The following USP25 variants were observed in gnomAD, a reference collection of about 807,000 sequenced individuals.
The protein encoded by USP25 is ubiquitin specific peptidase 25.
In USP25, 85 loss-of-function variants were observed where a neutral mutation model predicts 158.5. That is an observed-to-expected ratio of 0.54 (90% CI 0.45 to 0.64). USP25 has a LOEUF of 0.64. Ranked by LOEUF, USP25 falls within the 30% of genes least tolerant of loss-of-function variation. The pLI, the probability that USP25 is intolerant of heterozygous loss-of-function variation, is 0.00. For missense variants in USP25, 1,242 were observed against 1,327.3 expected (o/e 0.94, Z 1.00); for synonymous variants, 464 against 460.4 (o/e 1.01, Z -0.10).
chr21:15,760,011 G>A (rs1328960770), intron 1 of USP25, among the ~76,000 whole-genome samples: 1 of 152,192 alleles, frequency 6.6e-6, no homozygotes, highest in African/African-American at 2.4e-5. Context: ...TCTCAGCTCT[G>A]TAAAACCATT....
intron 1 of USP25, among the ~76,000 whole-genome samples, chr21:15,754,296 G>A (rs570606480): frequency 3.9e-5 from 6 of 152,206 alleles, no homozygotes; most frequent in African/African-American, 1.4e-4. Flanking sequence ...TTGTGATATG[G>A]CTTGTTCCAG....
intron 21 of USP25, 36 bp downstream of exon 21, chr21:15,864,482 G>C (rs748997936): frequency 4.6e-6 from 7 of 1,514,498 alleles, no homozygotes; most frequent in Non-Finnish European, 6.2e-6. Flanking sequence ...TGCTCAAATC[G>C]TTCTTTTTTT....
intron 17 of USP25, 90 bp from the exon 18 acceptor site, chr21:15,842,308 A>C: frequency 7.2e-7 from 1 of 1,387,788 alleles, no homozygotes; most frequent in South Asian, 1.7e-5. Context: ...GTTCTTACAT[A>C]ACTTCAGACA....
rs1267340403 is a variant in USP25 at position 15,811,124 on chromosome 21, T to A, written c.858-13T>A. 1 of 1,598,590 alleles carries A rather than the reference T, an allele frequency of 6.3e-7. No individual in the cohort carries two copies. The highest frequency in any genetic ancestry group is 1.4e-5 in the African/African-American group (1 of 73,808). On this transcript the variant is annotated splice_polypyrimidine_tract_variant and intron_variant, in intron 8 of 25. Coordinates refer to ENST00000400183, the MANE Select transcript of USP25 (RefSeq NM_001283041.3). Reference sequence around the variant, plus strand: ...AAATTGTAATCACATTTATATTTTTTAACATACTTTAGGGATGAAGAGAAG... The same window carrying A: ...AAATTGTAATCACATTTATATTTTTAAACATACTTTAGGGATGAAGAGAAG...
intron 24 of USP25, chr21:15,876,094 C>A (rs920826581): frequency 5.9e-5 from 9 of 152,110 alleles, no homozygotes; most frequent in Admixed American, 4.6e-4. Flanking sequence ...GCCAAACTTA[C>A]TAGTTTTTCG....
rs550005467 is a variant in USP25, at chr21:15,781,719, T to G, written c.392+3692T>G. ...TTGAATCAAAGCCAGGGGGTTCCTC[T>G]TCTTATAGGAAGAAGGTAAGCGGAG... On this transcript the variant is annotated intron_variant, in intron 4 of 25. Transcript: ENST00000400183. Among the ~76,000 whole-genome samples, 8 of 152,256 alleles carry G rather than the reference T, an allele frequency of 5.3e-5. No homozygotes were observed. The South Asian group carries it at 1.0e-3, about 20-fold the overall frequency.
intron 14 of USP25, among the ~76,000 whole-genome samples, chr21:15,828,111 T>C (rs2037617249): frequency 6.6e-6 from 1 of 152,324 alleles, no homozygotes; most frequent in Non-Finnish European, 1.5e-5. Flanking sequence ...TATGACCAAC[T>C]TAACTCTTTA....
intron 1 of USP25, 37 bp from the exon 2 acceptor site, chr21:15,762,854 T>G: frequency 1.9e-6 from 3 of 1,572,566 alleles, no homozygotes; most frequent in Non-Finnish European, 2.6e-6. Flanking sequence ...TTTTCAGAGT[T>G]GAGAATATAA....
chr21:15,835,301 CCTGT>C (rs1156266654), intron 17 of USP25, among the ~76,000 whole-genome samples: 10 of 152,266 alleles, frequency 6.6e-5, no homozygotes, highest in South Asian at 6.2e-4. Context: ...TCCTCTTCAT[CCTGT>C]CTGTTTCTCA....
chr21:15,753,880 C>A (rs1358258796), intron 1 of USP25, among the ~76,000 whole-genome samples: 1 of 151,960 alleles, frequency 6.6e-6, no homozygotes, highest in East Asian at 1.9e-4. Flanking sequence ...TATGTAGCAT[C>A]CAGAGCTACA....
chr21:15,809,241 G>C (rs73185436), intron 8 of USP25, among the ~76,000 whole-genome samples: 2 of 152,274 alleles, frequency 1.3e-5, no homozygotes, highest in Non-Finnish European at 2.9e-5. Flanking sequence ...CAGTGCATGT[G>C]AGCAAGTGGC....
intron 3 of USP25, 144 bp from the exon 4 acceptor site, chr21:15,777,760 T>C: frequency 1.5e-6 from 1 of 682,052 alleles, no homozygotes; most frequent in Non-Finnish European, 2.2e-6. Flanking sequence ...TATGTTTGCA[T>C]TTATTTTTAG....
intron 23 of USP25, 53 bp downstream of exon 23, chr21:15,870,200 A>G (rs920723534): frequency 1.5e-6 from 2 of 1,317,092 alleles, no homozygotes; most frequent in Non-Finnish European, 2.2e-6. Context: ...ACTTAATTCT[A>G]TTCAGGTGTG....
intron 20 of USP25, among the ~76,000 whole-genome samples, chr21:15,860,343 C>T (rs2146537132): frequency 6.6e-6 from 1 of 152,170 alleles, no homozygotes; most frequent in East Asian, 1.9e-4. Context: ...TTAGTAGAGA[C>T]AGGGTTTCAC....
intron 3 of USP25, among the ~76,000 whole-genome samples, chr21:15,767,658 G>A (rs2034119997): frequency 6.6e-6 from 1 of 151,936 alleles, no homozygotes; most frequent in African/African-American, 2.4e-5. Context: ...CAAGACTCGA[G>A]GGGAAAAAGA....
intron 3 of USP25, among the ~76,000 whole-genome samples, chr21:15,775,777 C>T (rs898790699): frequency 1.5e-5 from 2 of 137,498 alleles, no homozygotes; most frequent in Non-Finnish European, 3.1e-5. Context: ...CTCTGCCTTC[C>T]ATGTCTCGTG....
intron 16 of USP25, 140 bp downstream of exon 16, chr21:15,831,769 T>A (rs564359118): frequency 1.4e-6 from 1 of 732,886 alleles, no homozygotes. Flanking sequence ...CAAGACTGAA[T>A]TGAAAAGTAA....
At chr21:15,786,976 T>C (rs996653217) in intron 4 of USP25, among the ~76,000 whole-genome samples, 4 of 151,348 alleles carry the variant, frequency 2.6e-5, no homozygotes, top group Non-Finnish European at 5.9e-5. Context: ...TAACGGTGAG[T>C]TATTTGAAAA....
intron 17 of USP25, among the ~76,000 whole-genome samples, chr21:15,834,723 A>T (rs907929584): frequency 1.3e-5 from 2 of 152,226 alleles, no homozygotes; most frequent in Admixed American, 6.5e-5. Context: ...CCTGAGAGGC[A>T]GATAATTCAG....
Sources: gnomAD v4.1 joint callset for allele counts (sites outside exome capture counted in the v4.1 genomes callset) on GRCh38, gnomAD v4.1.1 for gene constraint, MANE v1.5 for transcripts, NCBI Gene and HGNC (gene_info 2026-07-23, HGNC 2026-07-21) for gene names.